Variants in MAP4K3 observed in about 807,000 individuals in gnomAD.
The protein encoded by MAP4K3 is mitogen-activated protein kinase kinase kinase kinase 3.
MAP4K3 carries 94 observed loss-of-function variants against 143.5 expected under a neutral mutation model. That is an observed-to-expected ratio of 0.65 (90% CI 0.55 to 0.78). The LOEUF (loss-of-function observed/expected upper bound fraction) is 0.78. Among genes scored for constraint, MAP4K3 ranks in the 30% least tolerant of loss-of-function variants. The pLI, the probability that MAP4K3 is intolerant of heterozygous loss-of-function variation, is 0.00. For synonymous variants in MAP4K3, 416 were observed against 347.2 expected, an observed-to-expected ratio of 1.20 and a Z score of -2.20; for missense variants, 1,077 against 1,068.1, an observed-to-expected ratio of 1.01 and a Z score of -0.12.
intron 28 of MAP4K3, among the ~76,000 whole-genome samples, chr2:39,264,346 GT>G (rs1479759166): frequency 6.6e-6 from 1 of 152,094 alleles, no homozygotes; most frequent in African/African-American, 2.4e-5. Flanking sequence ...ACTTCAATAG[GT>G]TTCAAATTCT....
At chr2:39,322,418 G>A (rs1683338172) in intron 12 of MAP4K3, among the ~76,000 whole-genome samples, 1 of 152,016 alleles carries the variant, frequency 6.6e-6, no homozygotes, top group Admixed American at 6.6e-5. Context: ...GCTGTACATA[G>A]TAAGTGGGCT....
At chr2:39,416,354 G>A (rs972123481) in intron 1 of MAP4K3, among the ~76,000 whole-genome samples, 1 of 151,888 alleles carries the variant, frequency 6.6e-6, no homozygotes, top group African/African-American at 2.4e-5. Flanking sequence ...TGACTTGATC[G>A]GCAGCCAATA....
At chr2:39,381,402 T>A (rs1370174407) in intron 1 of MAP4K3, among the ~76,000 whole-genome samples, 2 of 152,226 alleles carry the variant, frequency 1.3e-5, no homozygotes, top group Non-Finnish European at 2.9e-5. Flanking sequence ...ATCAGTCACA[T>A]GATTTGCAAG....
intron 4 of MAP4K3, among the ~76,000 whole-genome samples, chr2:39,340,101 AG>A (rs1173353399): frequency 4.6e-5 from 7 of 152,214 alleles, no homozygotes; most frequent in Admixed American, 2.6e-4. Flanking sequence ...TAAAAGTTAA[AG>A]GGGAAACCTT....
intron 1 of MAP4K3, among the ~76,000 whole-genome samples, chr2:39,383,116 C>T (rs987924896): frequency 1.1e-4 from 16 of 152,160 alleles, no homozygotes; most frequent in Non-Finnish European, 1.8e-4. Flanking sequence ...TTCATGTTCG[C>T]TTTCCCAAAG....
chr2:39,336,081 A>C (rs978023343), intron 6 of MAP4K3, among the ~76,000 whole-genome samples: 1 of 152,226 alleles, frequency 6.6e-6, no homozygotes, highest in South Asian at 2.1e-4. Context: ...ATCTTTAGAA[A>C]TATGCTAAGG....
rs376439613 is a variant in MAP4K3 at position 39,326,315 on chromosome 2, A to G, written c.531-38T>C. On this transcript the variant is annotated intron_variant, in intron 8 of 33. Transcript: ENST00000263881. ...TTCCAGAAAATAAAAAACTTCTGTT[A>G]TATGTTTTCCTTTATACTCCCACCC... 6.2e-6 allele frequency: 10 copies of G among 1,607,732 alleles called. No individual in the cohort carries two copies. The African/African-American group carries it at 8.1e-5, about 13-fold the overall frequency.
At chr2:39,280,241 G>C in intron 23 of MAP4K3, 31 bp downstream of exon 23, 4 of 1,279,626 alleles carry the variant, frequency 3.1e-6, no homozygotes. Context: ...AAAAAATTAG[G>C]AAGATAACAG....
At chr2:39,377,094 G>C (rs1025838281) in intron 2 of MAP4K3, among the ~76,000 whole-genome samples, 1 of 150,658 alleles carries the variant, frequency 6.6e-6, no homozygotes, top group Non-Finnish European at 1.5e-5. Flanking sequence ...CTTCTAAAAA[G>C]TTTATTGATG....
chr2:39,357,413 T>G (rs1665642929), intron 2 of MAP4K3, among the ~76,000 whole-genome samples: 1 of 152,226 alleles, frequency 6.6e-6, no homozygotes, highest in Admixed American at 6.5e-5. Context: ...AAATCATAAG[T>G]ATAAGGTCAT....
chr2:39,286,858 A>G lies in MAP4K3; in HGVS notation c.1581T>C (p.Asp527=). ...GTNLSRKEKK[D]VPKPISNGLP... ...TATGACTATCAATACCTACTGGTAC[A>G]TCTTTCTTTTCTTTTCTTGAAAGGT... The change falls in exon 21 of 34, where the codon GAT becomes GAC. Residue 527 remains aspartate (D), a synonymous_variant. Coordinates refer to ENST00000263881, the MANE Select transcript of MAP4K3 (RefSeq NM_003618.4). 3 of 1,597,482 alleles carry G rather than the reference A, an allele frequency of 1.9e-6. No individual in the cohort carries two copies. The South Asian group carries it at 3.4e-5, about 18-fold the overall frequency.
chr2:39,333,957 ATT>A (rs941849224), intron 6 of MAP4K3, among the ~76,000 whole-genome samples: 22 of 91,670 alleles, frequency 2.4e-4, no homozygotes, highest in South Asian at 2.2e-3. Context: ...ATTGTTTCCC[ATT>A]TTTGTGTGTG....
At chr2:39,419,029 T>C (rs1667473707) in intron 1 of MAP4K3, among the ~76,000 whole-genome samples, 1 of 152,204 alleles carries the variant, frequency 6.6e-6, no homozygotes, top group East Asian at 1.9e-4. Context: ...AAAACGAAAC[T>C]GGGTTAGGAG....
chr2:39,327,115 CA>C (rs1177369506), intron 8 of MAP4K3, among the ~76,000 whole-genome samples: 2 of 152,132 alleles, frequency 1.3e-5, no homozygotes, highest in Non-Finnish European at 2.9e-5. Flanking sequence ...TCTGTACATG[CA>C]AAATTCAATA....
chr2:39,290,362 A>G (rs1457080123), intron 18 of MAP4K3, 28 bp from the exon 19 acceptor site: 5 of 1,518,668 alleles, frequency 3.3e-6, no homozygotes, highest in Non-Finnish European at 1.8e-6. Context: ...TAGAATCAGA[A>G]CTATTCATTT....
At chr2:39,325,375 G>T (rs1683452340) in intron 12 of MAP4K3, 143 bp downstream of exon 12, 4 of 503,516 alleles carry the variant, frequency 7.9e-6, no homozygotes, top group Admixed American at 3.3e-5. Context: ...CAAAGACAAA[G>T]AATTAATTGT....
chr2:39,341,928 G>C (rs563784439), intron 4 of MAP4K3, among the ~76,000 whole-genome samples: 1 of 151,916 alleles, frequency 6.6e-6, no homozygotes, highest in Admixed American at 6.5e-5. Context: ...TTAATTAAAA[G>C]TATCCTTAAA....
In MAP4K3 at chr2:39,249,947, T is replaced by C. The variant is rs1397779822; in HGVS notation, c.*671A>G. On this transcript the variant is annotated 3_prime_UTR_variant, in exon 34 of 34. Coordinates refer to ENST00000263881, the MANE Select transcript of MAP4K3 (RefSeq NM_003618.4). ...TTGGTTTGCTTCACATAGAAAACAA[T>C]CCAAATACATTTGTGGAGCCAAATG... is the stretch of plus-strand genomic sequence containing the variant. The C allele has an allele frequency of 6.6e-6, 1 of 152,264 alleles. No individual in the cohort carries two copies. The highest frequency in any genetic ancestry group is 1.5e-5 in the Non-Finnish European group (1 of 68,012). The allele number at this position is 152,264 out of a possible 1,614,324, so 9.4% of individuals were successfully genotyped here.
chr2:39,291,059 T>C (rs1264324473), intron 18 of MAP4K3, among the ~76,000 whole-genome samples: 1 of 152,110 alleles, frequency 6.6e-6, no homozygotes, highest in East Asian at 1.9e-4. Context: ...GGCAAGACTC[T>C]GTCTCAAAAA....
Sources: gnomAD v4.1 joint callset for allele counts (sites outside exome capture counted in the v4.1 genomes callset) on GRCh38, gnomAD v4.1.1 for gene constraint, MANE v1.5 for transcripts, NCBI Gene and HGNC (gene_info 2026-07-23, HGNC 2026-07-21) for gene names.